The following SLC38A12 variants were observed in gnomAD, a reference collection of about 807,000 sequenced individuals.
SLC38A12 encodes putative sodium-coupled neutral amino acid transporter 12.
At chr17:74,827,063 G>A in the SLC38A12 span, among the ~76,000 whole-genome samples, 2 of 152,152 alleles carry the variant, frequency 1.3e-5, no homozygotes, top group African/African-American at 2.4e-5. This position sits in a 1 kb window ranked among gnomAD's most constrained non-coding sequence, Gnocchi z 4.7. Flanking sequence ...CAGGAAGGCA[G>A]GATCACTAGT....
chr17:74,785,482 G>A, the SLC38A12 span: 1 of 1,609,398 alleles, frequency 6.2e-7, no homozygotes, highest in Non-Finnish European at 8.5e-7. Context: ...TCGGTTCCAG[G>A]TTGGGCTGGT....
At chr17:74,812,679 G>A in the SLC38A12 span, among the ~76,000 whole-genome samples, 96 of 152,192 alleles carry the variant, frequency 6.3e-4, no homozygotes, top group African/African-American at 2.1e-3. Context: ...GCCCCCCTGC[G>A]CCCTCCTCAC....
chr17:74,780,866 GT>G, the SLC38A12 span, among the ~76,000 whole-genome samples: 6 of 152,208 alleles, frequency 3.9e-5, no homozygotes, highest in Admixed American at 3.9e-4. Context: ...ACTGCCAATA[GT>G]TTCTCTCTTC....
chr17:74,787,659 A>C, the SLC38A12 span, among the ~76,000 whole-genome samples: 93,656 of 151,066 alleles, frequency 0.62, 29,414 homozygotes, highest in Non-Finnish European at 0.65. Flanking sequence ...CAGGAGATGA[A>C]TGTTCGTCCC....
At chr17:74,790,159 T>A in the SLC38A12 span, 1 of 1,532,448 alleles carries the variant, frequency 6.5e-7, no homozygotes, top group Non-Finnish European at 9.0e-7. Flanking sequence ...TCTTTTCCCT[T>A]GTTTTCCTCC....
the SLC38A12 span, among the ~76,000 whole-genome samples, chr17:74,831,331 C>T: frequency 6.6e-6 from 1 of 152,208 alleles, no homozygotes; most frequent in African/African-American, 2.4e-5. Flanking sequence ...CCCCAGATGG[C>T]CAGCATAGTG....
At chr17:74,836,264 C>T in the SLC38A12 span, 2 of 1,611,564 alleles carry the variant, frequency 1.2e-6, no homozygotes, top group Middle Eastern at 1.6e-4. This position sits in a 1 kb window ranked among gnomAD's most constrained non-coding sequence, Gnocchi z 4.2. Flanking sequence ...TGCGCTTTTT[C>T]CTGGGCCTCT....
the SLC38A12 span, among the ~76,000 whole-genome samples, chr17:74,822,218 G>A: frequency 1.3e-5 from 2 of 152,230 alleles, no homozygotes; most frequent in Non-Finnish European, 2.9e-5. Flanking sequence ...GGCCAGCAGG[G>A]CCCCGGGGTC....
chr17:74,776,891 T>C, the SLC38A12 span, among the ~76,000 whole-genome samples: 2 of 152,096 alleles, frequency 1.3e-5, no homozygotes, highest in South Asian at 2.1e-4. Context: ...TGGGCTCCCA[T>C]GTGTGGTAGT....
the SLC38A12 span, among the ~76,000 whole-genome samples, chr17:74,801,271 TC>T: frequency 6.6e-6 from 1 of 152,168 alleles, no homozygotes; most frequent in East Asian, 1.9e-4. Flanking sequence ...CACCTTTTCC[TC>T]CCCTCTCGCC....
chr17:74,836,407 C>G, the SLC38A12 span: 1 of 1,611,084 alleles, frequency 6.2e-7, no homozygotes. The surrounding 1 kb of genome is among the most constrained non-coding windows in gnomAD (Gnocchi z 4.2). Context: ...CCCACCATCA[C>G]CCTGGTGCCG....
At chr17:74,836,330 C>T in the SLC38A12 span, 1 of 1,613,116 alleles carries the variant, frequency 6.2e-7, no homozygotes, top group Non-Finnish European at 8.5e-7. This position sits in a 1 kb window ranked among gnomAD's most constrained non-coding sequence, Gnocchi z 4.2. Flanking sequence ...CCCTGCGCAA[C>T]AACTGGAAGA....
At chr17:74,778,035 C>T in the SLC38A12 span, among the ~76,000 whole-genome samples, 4 of 152,078 alleles carry the variant, frequency 2.6e-5, no homozygotes, top group Admixed American at 6.6e-5. Context: ...AGTTGGAAAC[C>T]GCTTTGGTCT....
the SLC38A12 span, chr17:74,788,901 G>A: frequency 3.1e-6 from 5 of 1,596,760 alleles, no homozygotes; most frequent in Non-Finnish European, 4.3e-6. Flanking sequence ...TCCGGGCCAT[G>A]CCTCTGTTCC....
the SLC38A12 span, among the ~76,000 whole-genome samples, chr17:74,833,746 A>G: frequency 0.29 from 44,438 of 152,032 alleles, 6,755 homozygotes; most frequent in East Asian, 0.44. Context: ...GCCTTTTTCT[A>G]AGTTCATGCC....
the SLC38A12 span, among the ~76,000 whole-genome samples, chr17:74,786,455 G>C: frequency 2.6e-5 from 4 of 152,246 alleles, no homozygotes; most frequent in African/African-American, 9.6e-5. Context: ...GTGCAGACTT[G>C]ACTTTATGTT....
At chr17:74,791,311 G>T in the SLC38A12 span, among the ~76,000 whole-genome samples, 1 of 152,308 alleles carries the variant, frequency 6.6e-6, no homozygotes, top group East Asian at 1.9e-4. Context: ...ACCCCAGGCA[G>T]CTACTCCAGT....
At chr17:74,797,285 G>A in the SLC38A12 span, among the ~76,000 whole-genome samples, 7 of 152,236 alleles carry the variant, frequency 4.6e-5, no homozygotes, top group Non-Finnish European at 7.4e-5. Context: ...CTCTCTGACC[G>A]AACAGAAGGA....
At chr17:74,799,243 G>A in the SLC38A12 span, among the ~76,000 whole-genome samples, 8 of 152,382 alleles carry the variant, frequency 5.2e-5, no homozygotes, top group South Asian at 1.4e-3. Flanking sequence ...GGCATCTACC[G>A]CTCACAGGTG....
Sources: gnomAD v4.1 joint callset for allele counts (sites outside exome capture counted in the v4.1 genomes callset) on GRCh38, gnomAD v4.1.1 for gene constraint, Gnocchi (gnomAD v3.1) non-coding constraint, MANE v1.5 for transcripts, NCBI Gene and HGNC (gene_info 2026-07-23, HGNC 2026-07-21) for gene names.